Variants in PACRG observed in about 807,000 individuals in gnomAD.
The protein encoded by PACRG is parkin coregulated.
PACRG carries 29 observed loss-of-function variants against 29.7 expected under a neutral mutation model. That is an observed-to-expected ratio of 0.98 (90% confidence interval 0.73 to 1.33). The LOEUF (loss-of-function observed/expected upper bound fraction) is 1.33, where lower values mean the gene tolerates loss of function less well. PACRG is among the 40% of genes most tolerant of loss of function. The probability of loss-of-function intolerance (pLI) is 0.00; values close to 1 mark genes in which losing one functional copy is unlikely to be tolerated. For synonymous variants in PACRG, 116 were observed against 118.7 expected (o/e 0.98, Z 0.15); for missense variants, 279 against 316.2 (o/e 0.88, Z 0.89).
At chr6:163,232,653 G>A (rs7763042) in intron 4 of PACRG, among the ~76,000 whole-genome samples, 49,058 of 152,006 alleles carry the variant, frequency 0.32, 7,999 homozygotes, top group South Asian at 0.42. Flanking sequence ...GGCACACCGG[G>A]GAAGGTCAAC....
At chr6:162,874,867 ACACT>A (rs1361917062) in intron 2 of PACRG, among the ~76,000 whole-genome samples, 12 of 151,924 alleles carry the variant, frequency 7.9e-5, no homozygotes, top group Admixed American at 2.0e-4. Context: ...ACAGATTCTC[ACACT>A]CACACACCCA....
At chr6:163,280,938 G>A (rs534593804) in intron 4 of PACRG, among the ~76,000 whole-genome samples, 146 of 152,242 alleles carry the variant, frequency 9.6e-4, no homozygotes, top group Non-Finnish European at 5.1e-4. Flanking sequence ...ACTTATGGCA[G>A]GAAATGATGT....
At chr6:163,254,891 C>T (rs1783047977) in intron 4 of PACRG, among the ~76,000 whole-genome samples, 1 of 152,224 alleles carries the variant, frequency 6.6e-6, no homozygotes, top group South Asian at 2.1e-4. Flanking sequence ...TGATCTTCAG[C>T]CTCACTCTTT....
intron 4 of PACRG, among the ~76,000 whole-genome samples, chr6:163,146,463 G>A (rs1777809212): frequency 6.6e-6 from 1 of 152,216 alleles, no homozygotes; most frequent in Non-Finnish European, 1.5e-5. Flanking sequence ...ACTTGTGGAT[G>A]TTTATCAAGC....
At chr6:163,125,036 A>G (rs60293562) in intron 4 of PACRG, among the ~76,000 whole-genome samples, 4,876 of 152,308 alleles carry the variant, frequency 0.032, 235 homozygotes, top group African/African-American at 0.11. Flanking sequence ...AAGCAATGCA[A>G]TTGTGCAACG....
intron 4 of PACRG, among the ~76,000 whole-genome samples, chr6:163,235,539 G>C (rs961886044): frequency 6.6e-6 from 1 of 152,164 alleles, no homozygotes; most frequent in African/African-American, 2.4e-5. Context: ...TCTCCTTGGA[G>C]AAGGGGTTTT....
chr6:163,051,371 A>G (rs485964), intron 2 of PACRG: 62,776 of 151,478 alleles, frequency 0.41, 14,098 homozygotes, highest in East Asian at 0.7. Flanking sequence ...TAGGGGTTGC[A>G]TTTTCTGTGA....
chr6:163,103,954 T>G (rs1452643983), intron 4 of PACRG, among the ~76,000 whole-genome samples: 2 of 152,142 alleles, frequency 1.3e-5, no homozygotes, highest in African/African-American at 2.4e-5. Flanking sequence ...CAAACCTGAG[T>G]GGCAGGTACT....
chr6:163,089,340 T>C lies in PACRG; in HGVS notation c.545T>C (p.Val182Ala), dbSNP rs148213356. ...LQHLVVSAEM[V>A]GKALVPYYRQ... is the part of the protein sequence containing the mutation. ...CATCTGGTTGTGTCAGCTGAGATGG[T>C]GGGCAAGGCCTTGGTGCCTTATTAC... is the stretch of plus-strand genomic sequence containing the variant. The change falls in exon 4 of 5, where the codon GTG becomes GCG. Residue 182 changes from valine to alanine, a missense_variant. Transcript: ENST00000366888. 6.2e-7 allele frequency: 1 copy of C among 1,614,184 alleles called. No individual in the cohort carries two copies. The highest frequency in any genetic ancestry group is 2.2e-5 in the East Asian group (1 of 44,874).
At chr6:163,219,680 T>C (rs990537649) in intron 4 of PACRG, among the ~76,000 whole-genome samples, 1 of 140,154 alleles carries the variant, frequency 7.1e-6, no homozygotes, top group Non-Finnish European at 1.5e-5. Context: ...CTCCTGCAGC[T>C]CAGCCTGAAT....
chr6:162,835,649 C>A (rs551615616), intron 2 of PACRG, among the ~76,000 whole-genome samples: 12 of 152,076 alleles, frequency 7.9e-5, no homozygotes, highest in Non-Finnish European at 1.8e-4. Context: ...GAAATTCTAT[C>A]CTAAGCAGAG....
chr6:162,820,526 C>T (rs1787753784), intron 2 of PACRG, among the ~76,000 whole-genome samples: 2 of 152,228 alleles, frequency 1.3e-5, no homozygotes, highest in South Asian at 4.1e-4. Flanking sequence ...AAGTAAATCA[C>T]ACTGTGATGT....
At chr6:163,209,600 A>G (rs578193971) in intron 4 of PACRG, among the ~76,000 whole-genome samples, 2 of 152,334 alleles carry the variant, frequency 1.3e-5, no homozygotes, top group African/African-American at 4.8e-5. Flanking sequence ...TGTTTATTCT[A>G]AAGGAATATT....
intron 2 of PACRG, among the ~76,000 whole-genome samples, chr6:163,011,310 C>T (rs888044503): frequency 2.0e-5 from 3 of 152,202 alleles, no homozygotes; most frequent in African/African-American, 7.2e-5. Context: ...CTAGGCCCTG[C>T]GGTGTAGCCG....
intron 2 of PACRG, among the ~76,000 whole-genome samples, chr6:162,926,634 C>A (rs932555922): frequency 1.3e-5 from 2 of 152,096 alleles, no homozygotes; most frequent in African/African-American, 4.8e-5. Flanking sequence ...CCCTTCCTTA[C>A]ACATTATATA....
chr6:163,144,234 A>AAAAAC (rs1491272651), intron 4 of PACRG, among the ~76,000 whole-genome samples: 3 of 51,580 alleles, frequency 5.8e-5, no homozygotes, highest in East Asian at 5.8e-4. Flanking sequence ...GTCTCAAAAC[A>AAAAAC]AAAAAAAAAA....
chr6:162,921,111 T>C (rs1797031861), intron 2 of PACRG, among the ~76,000 whole-genome samples: 3 of 152,248 alleles, frequency 2.0e-5, no homozygotes, highest in African/African-American at 7.2e-5. Flanking sequence ...AATGTGTTTT[T>C]ACATAAACAA....
intron 3 of PACRG, among the ~76,000 whole-genome samples, chr6:163,086,522 T>C (rs1813574978): frequency 6.6e-6 from 1 of 152,142 alleles, no homozygotes. Context: ...TCTCTTTTCA[T>C]TACATTTGTA....
intron 4 of PACRG, among the ~76,000 whole-genome samples, chr6:163,099,131 G>A (rs1435309200): frequency 1.3e-5 from 2 of 152,180 alleles, no homozygotes; most frequent in East Asian, 3.9e-4. Context: ...AGATGGATTT[G>A]CTCTGGTTTA....
Sources: gnomAD v4.1 joint callset for allele counts (sites outside exome capture counted in the v4.1 genomes callset) on GRCh38, gnomAD v4.1.1 for gene constraint, MANE v1.5 for transcripts, NCBI Gene and HGNC (gene_info 2026-07-23, HGNC 2026-07-21) for gene names.